The following ARHGAP24 variants were observed in gnomAD, a reference collection of about 807,000 sequenced individuals.
ARHGAP24 encodes the protein Rho GTPase activating protein 24.
ARHGAP24 carries 50 observed loss-of-function variants against 76.4 expected under a neutral mutation model. The observed-to-expected ratio is 0.65, with a 90% CI of 0.52 to 0.83. The LOEUF (loss-of-function observed/expected upper bound fraction) is 0.83. Among genes scored for constraint, ARHGAP24 ranks in the 40% least tolerant of loss-of-function variants. ARHGAP24 has a pLI of 0.00. For missense variants in ARHGAP24, 930 were observed against 914.2 expected (o/e 1.02, Z -0.22); for synonymous variants, 345 against 323.3 (o/e 1.07, Z -0.72).
At chr4:85,780,733 G>A (rs760131157) in intron 3 of ARHGAP24, among the ~76,000 whole-genome samples, 7 of 152,214 alleles carry the variant, frequency 4.6e-5, no homozygotes, top group African/African-American at 1.2e-4. Context: ...TATGAGAAAC[G>A]TGCATGTGCC....
intron 9 of ARHGAP24, among the ~76,000 whole-genome samples, chr4:85,995,910 G>C (rs979409368): frequency 6.6e-6 from 1 of 152,060 alleles, no homozygotes; most frequent in Non-Finnish European, 1.5e-5. Context: ...ACATTTCCCT[G>C]GTACAGAATA....
chr4:85,910,199 C>T (rs560155564), intron 3 of ARHGAP24, among the ~76,000 whole-genome samples: 21 of 152,316 alleles, frequency 1.4e-4, no homozygotes, highest in African/African-American at 4.1e-4. Flanking sequence ...AGCTTGAAAA[C>T]GTCAGGTACC....
chr4:85,531,263 T>G (rs1319488041), intron 1 of ARHGAP24, among the ~76,000 whole-genome samples: 4 of 152,046 alleles, frequency 2.6e-5, no homozygotes, highest in African/African-American at 9.7e-5. Context: ...CAAGATACGT[T>G]GATGGTCTAT....
At chr4:85,942,515 C>A in intron 5 of ARHGAP24, 1 of 477,972 alleles carries the variant, frequency 2.1e-6, no homozygotes, top group Non-Finnish European at 3.7e-6. Flanking sequence ...TTCTTTGGTA[C>A]TAAAGTAAAA....
At chr4:85,859,040 G>A (rs1214530382) in intron 3 of ARHGAP24, among the ~76,000 whole-genome samples, 2 of 152,046 alleles carry the variant, frequency 1.3e-5, no homozygotes, top group Non-Finnish European at 2.9e-5. Flanking sequence ...TTGGGTCTTA[G>A]GCAAAGGCCT....
chr4:85,646,430 C>T (rs1721724482), intron 2 of ARHGAP24, among the ~76,000 whole-genome samples: 1 of 151,830 alleles, frequency 6.6e-6, no homozygotes, highest in Non-Finnish European at 1.5e-5. Context: ...CTTTCTCAAC[C>T]CCGTTGCATC....
intron 5 of ARHGAP24, among the ~76,000 whole-genome samples, chr4:85,958,519 A>G (rs1560746049): frequency 6.6e-6 from 1 of 152,202 alleles, no homozygotes; most frequent in East Asian, 1.9e-4. Flanking sequence ...CATGGTTTGA[A>G]ACCTCTAAGA....
At chr4:85,746,248 G>C (rs1452129321) in intron 3 of ARHGAP24, among the ~76,000 whole-genome samples, 1 of 152,128 alleles carries the variant, frequency 6.6e-6, no homozygotes, top group Non-Finnish European at 1.5e-5. Context: ...GGCAGGGCTG[G>C]GAATCTGCTT....
intron 3 of ARHGAP24, among the ~76,000 whole-genome samples, chr4:85,865,989 T>A (rs1417042544): frequency 6.6e-6 from 1 of 152,142 alleles, no homozygotes; most frequent in Non-Finnish European, 1.5e-5. Flanking sequence ...AATACCTATT[T>A]TGCAAACTGT....
intron 3 of ARHGAP24, among the ~76,000 whole-genome samples, chr4:85,862,826 C>T (rs1731977043): frequency 1.3e-5 from 2 of 152,116 alleles, no homozygotes; most frequent in African/African-American, 4.8e-5. Flanking sequence ...TAAGTCCTTT[C>T]AATGCTACTC....
chr4:85,570,211 T>C (rs1409170409), intron 1 of ARHGAP24, among the ~76,000 whole-genome samples: 2 of 152,156 alleles, frequency 1.3e-5, no homozygotes, highest in Non-Finnish European at 2.9e-5. Context: ...CTGTGGTTTG[T>C]GTCTAGAAAT....
At chr4:85,541,200 C>A (rs1378088051) in intron 1 of ARHGAP24, among the ~76,000 whole-genome samples, 1 of 92,822 alleles carries the variant, frequency 1.1e-5, no homozygotes, top group Non-Finnish European at 1.7e-5. Context: ...GTCGCCCAGG[C>A]TGGAGTGCAG....
intron 5 of ARHGAP24, among the ~76,000 whole-genome samples, chr4:85,947,190 G>A (rs1417992039): frequency 1.3e-5 from 2 of 151,738 alleles, no homozygotes; most frequent in Non-Finnish European, 2.9e-5. Flanking sequence ...TTGGTTTTTT[G>A]CTTGTTGACT....
At chr4:85,754,565 A>G (rs1726400257) in intron 3 of ARHGAP24, among the ~76,000 whole-genome samples, 3 of 152,212 alleles carry the variant, frequency 2.0e-5, no homozygotes, top group African/African-American at 7.2e-5. Context: ...AGAGATAAAG[A>G]TACATACGAC....
At chr4:85,813,432 G>T (rs1011301897) in intron 3 of ARHGAP24, among the ~76,000 whole-genome samples, 1 of 152,104 alleles carries the variant, frequency 6.6e-6, no homozygotes, top group African/African-American at 2.4e-5. Context: ...ATCTCATTGT[G>T]TTTTTTAGGC....
intron 3 of ARHGAP24, among the ~76,000 whole-genome samples, chr4:85,913,927 A>G (rs1235136030): frequency 2.0e-5 from 3 of 152,230 alleles, no homozygotes; most frequent in Non-Finnish European, 4.4e-5. Context: ...TCTGAATTCA[A>G]TGTCCTATTT....
At chr4:85,837,692 G>A (rs1730363676) in intron 3 of ARHGAP24, among the ~76,000 whole-genome samples, 2 of 152,088 alleles carry the variant, frequency 1.3e-5, no homozygotes, top group South Asian at 4.1e-4. Flanking sequence ...AGTAAAATAT[G>A]CTCAGGAGGA....
chr4:85,798,926 T>C (rs1728471101), intron 3 of ARHGAP24, among the ~76,000 whole-genome samples: 1 of 152,132 alleles, frequency 6.6e-6, no homozygotes, highest in Non-Finnish European at 1.5e-5. Flanking sequence ...GATATTTTAA[T>C]AATATTAGGC....
intron 8 of ARHGAP24, among the ~76,000 whole-genome samples, chr4:85,993,991 C>T (rs956681891): frequency 1.3e-5 from 2 of 152,106 alleles, no homozygotes; most frequent in African/African-American, 4.8e-5. Context: ...TGGCTGATGT[C>T]GCTTAAAATG....
Sources: gnomAD v4.1 joint callset for allele counts (sites outside exome capture counted in the v4.1 genomes callset) on GRCh38, gnomAD v4.1.1 for gene constraint, MANE v1.5 for transcripts, NCBI Gene and HGNC (gene_info 2026-07-23, HGNC 2026-07-21) for gene names.